The following ATXN7L1 variants were observed in gnomAD, a reference collection of about 807,000 sequenced individuals.
The protein encoded by ATXN7L1 is ataxin-7-like protein 1.
Under a neutral mutation model 70.8 loss-of-function variants are expected in ATXN7L1, and 15 were observed. The ratio of observed to expected loss-of-function variants is 0.21; its 90% CI spans 0.14 to 0.33. The LOEUF (loss-of-function observed/expected upper bound fraction) is 0.33. Ranked by LOEUF, ATXN7L1 falls within the 10% of genes least tolerant of loss-of-function variation. The pLI, the probability that ATXN7L1 is intolerant of heterozygous loss-of-function variation, is 1.00. For synonymous variants in ATXN7L1, 440 were observed against 445.1 expected (o/e 0.99, Z 0.14); for missense variants, 975 against 1,097.1 (o/e 0.89, Z 1.57).
In ATXN7L1 at chr7:105,788,529, G is replaced by A. The variant is rs1410735289; in HGVS notation, c.355+75C>T. On this transcript the variant is annotated intron_variant, in intron 3 of 11. Coordinates refer to ENST00000419735, the MANE Select transcript of ATXN7L1 (RefSeq NM_020725.2). ...AGACAAGACATGGCGAGACCCTGTCGGGGAGCCCAGGGGAAGGCGACTGTC... is the reference window on the plus strand; with the variant it reads ...AGACAAGACATGGCGAGACCCTGTCAGGGAGCCCAGGGGAAGGCGACTGTC... 2.7e-5 allele frequency: 33 copies of A among 1,206,446 alleles called. No homozygotes were observed. The East Asian group carries it at 3.5e-4, about 13-fold the overall frequency. 74.7% of individuals were successfully genotyped at this position (1,206,446 alleles called of 1,614,324 possible). A position where few individuals can be genotyped will look rare whatever the true frequency, so the allele number is the denominator to read the frequency against.
chr7:105,733,609 T>TCCATCCATCCAC (rs1796917008), intron 3 of ATXN7L1, among the ~76,000 whole-genome samples: 1 of 45,742 alleles, frequency 2.2e-5, no homozygotes, highest in African/African-American at 1.0e-4. Flanking sequence ...CATCCACCCA[T>TCCATCCATCCAC]CCATCCATCC....
At position 105,727,767 on chromosome 7, in the gene ATXN7L1, T is replaced by TATATA. The variant is rs1554442530; in HGVS notation, c.355+60832_355+60836dup. On this transcript the variant is annotated intron_variant, in intron 3 of 11. Transcript: ENST00000419735. ...GTGTGTATATATATATATATATATA[T>TATATA]ATATATATATACACACACATACACA... 5.6e-3 allele frequency among the ~76,000 whole-genome samples: 560 copies of TATATA among 100,276 alleles called. 13 individuals carry two copies. Among genetic ancestry groups the TATATA allele is most frequent in the Admixed American group, 0.024 (204 of 8,484 alleles). 65.8% of individuals were successfully genotyped at this position (100,276 alleles called of 152,430 possible). A position where few individuals can be genotyped will look rare whatever the true frequency, so the allele number is the denominator to read the frequency against.
chr7:105,621,220 C>T (rs932229998), intron 8 of ATXN7L1, among the ~76,000 whole-genome samples: 1 of 152,168 alleles, frequency 6.6e-6, no homozygotes, highest in Non-Finnish European at 1.5e-5. Flanking sequence ...CTGTTGTCTC[C>T]TTCCTTCTTC....
At chr7:105,800,005 G>A (rs752640054) in intron 2 of ATXN7L1, among the ~76,000 whole-genome samples, 1 of 152,170 alleles carries the variant, frequency 6.6e-6, no homozygotes, top group Non-Finnish European at 1.5e-5. Flanking sequence ...GCACATCTGG[G>A]CCCCTCAAGC....
At chr7:105,819,701 C>T (rs1418561430) in intron 2 of ATXN7L1, 8 of 917,944 alleles carry the variant, frequency 8.7e-6, no homozygotes, top group Non-Finnish European at 1.4e-5. Flanking sequence ...CCCGAGGCCC[C>T]TACCACTTCC....
At chr7:105,717,355 C>A (rs1376840941) in intron 3 of ATXN7L1, among the ~76,000 whole-genome samples, 1 of 152,030 alleles carries the variant, frequency 6.6e-6, no homozygotes, top group South Asian at 2.1e-4. Flanking sequence ...CTTGAACTCC[C>A]GACCTCGTGA....
intron 3 of ATXN7L1, among the ~76,000 whole-genome samples, chr7:105,786,149 G>T (rs548153319): frequency 6.6e-6 from 1 of 152,290 alleles, no homozygotes; most frequent in African/African-American, 2.4e-5. Flanking sequence ...GCTGAGTTGT[G>T]ATCATGTCCC....
At chr7:105,769,014 C>G (rs940314874) in intron 3 of ATXN7L1, among the ~76,000 whole-genome samples, 4 of 152,344 alleles carry the variant, frequency 2.6e-5, no homozygotes, top group Admixed American at 2.6e-4. Context: ...AGTCAGGAAT[C>G]CTGACTTCTA....
chr7:105,701,466 T>G (rs495517), intron 3 of ATXN7L1, among the ~76,000 whole-genome samples: 119,110 of 152,158 alleles, frequency 0.78, 47,220 homozygotes, highest in East Asian at 1. Context: ...TTTCTTATTT[T>G]ACTTGTTTAG....
chr7:105,740,558 T>C (rs372780169), intron 3 of ATXN7L1, among the ~76,000 whole-genome samples: 1 of 152,054 alleles, frequency 6.6e-6, no homozygotes, highest in East Asian at 1.9e-4. Flanking sequence ...ATGGACTATG[T>C]AGCTGGGATG....
chr7:105,772,232 C>T (rs1481144210), intron 3 of ATXN7L1, among the ~76,000 whole-genome samples: 1 of 152,008 alleles, frequency 6.6e-6, no homozygotes, highest in Non-Finnish European at 1.5e-5. Context: ...TGCCACCACA[C>T]CTGGCTTATT....
chr7:105,689,624 G>A (rs2116190509), intron 3 of ATXN7L1, among the ~76,000 whole-genome samples: 1 of 152,272 alleles, frequency 6.6e-6, no homozygotes, highest in African/African-American at 2.4e-5. Flanking sequence ...TGGGCCGAAA[G>A]TCCTCCCGGT....
At chr7:105,726,211 A>G (rs1043250876) in intron 3 of ATXN7L1, among the ~76,000 whole-genome samples, 1 of 152,032 alleles carries the variant, frequency 6.6e-6, no homozygotes, top group Non-Finnish European at 1.5e-5. Flanking sequence ...CCTAATTTCC[A>G]TTTCTGATTA....
At chr7:105,766,959 C>T (rs1287197160) in intron 3 of ATXN7L1, among the ~76,000 whole-genome samples, 1 of 152,172 alleles carries the variant, frequency 6.6e-6, no homozygotes, top group African/African-American at 2.4e-5. Flanking sequence ...CTCTGAAAGC[C>T]CGAAATTCAG....
intron 9 of ATXN7L1, among the ~76,000 whole-genome samples, chr7:105,618,338 C>T (rs1020088144): frequency 1.3e-5 from 2 of 152,252 alleles, no homozygotes; most frequent in East Asian, 3.9e-4. Flanking sequence ...GGAATGGACA[C>T]AAGTAAATAT....
intron 2 of ATXN7L1, among the ~76,000 whole-genome samples, chr7:105,792,980 C>T (rs958287638): frequency 2.0e-5 from 3 of 152,246 alleles, no homozygotes; most frequent in Admixed American, 2.0e-4. Flanking sequence ...AACATCTCCA[C>T]TTTCCAGGCA....
At chr7:105,733,592 A>T (rs1563048835) in intron 3 of ATXN7L1, among the ~76,000 whole-genome samples, 16 of 122,534 alleles carry the variant, frequency 1.3e-4, no homozygotes, top group African/African-American at 3.7e-4. Flanking sequence ...CCATCCATCC[A>T]TCCATCCATC....
At chr7:105,742,577 T>C (rs1338682521) in intron 3 of ATXN7L1, among the ~76,000 whole-genome samples, 1 of 152,152 alleles carries the variant, frequency 6.6e-6, no homozygotes, top group Non-Finnish European at 1.5e-5. Flanking sequence ...ACTAGAAATG[T>C]TGGAGCTGGG....
At chr7:105,700,484 G>C (rs1792300720) in intron 3 of ATXN7L1, among the ~76,000 whole-genome samples, 1 of 139,372 alleles carries the variant, frequency 7.2e-6, no homozygotes, top group Non-Finnish European at 1.5e-5. Flanking sequence ...ACTCCAGCCT[G>C]GGTGACAGGG....
Sources: allele counts gnomAD v4.1 joint callset (sites outside exome capture counted in the v4.1 genomes callset), GRCh38; gene constraint gnomAD v4.1.1; transcripts MANE v1.5; gene names NCBI Gene and HGNC (gene_info 2026-07-23, HGNC 2026-07-21).